Variants in GRHL2 observed in about 807,000 individuals in gnomAD.
The protein encoded by GRHL2 is grainyhead like transcription factor 2, also known as grainyhead-like protein 2 homolog.
A neutral mutation model predicts 83.8 loss-of-function variants in GRHL2; 21 were observed. The observed-to-expected ratio is 0.25, with a 90% CI of 0.18 to 0.36. GRHL2 has a LOEUF of 0.36. GRHL2 is among the 10% of genes least tolerant of loss of function. GRHL2 has a pLI of 1.00. For missense variants in GRHL2, 623 were observed against 781.8 expected, an observed-to-expected ratio of 0.80 and a Z score of 2.42; for synonymous variants, 280 against 278.9, an observed-to-expected ratio of 1.00 and a Z score of -0.04.
At chr8:101,677,535 A>G in the GRHL2 span, among the ~76,000 whole-genome samples, 2 of 152,056 alleles carry the variant, frequency 1.3e-5, no homozygotes, top group Non-Finnish European at 2.9e-5. Context: ...TGGAAAAAAA[A>G]AATACATCTT....
chr8:101,547,525 A>G (rs564474260), intron 2 of GRHL2, among the ~76,000 whole-genome samples: 7 of 152,296 alleles, frequency 4.6e-5, no homozygotes, highest in African/African-American at 1.4e-4. Context: ...CCTTTGCATA[A>G]TACTTCATAA....
intron 7 of GRHL2, among the ~76,000 whole-genome samples, chr8:101,578,977 G>A (rs561662875): frequency 2.6e-5 from 4 of 152,184 alleles, no homozygotes; most frequent in Admixed American, 2.0e-4. Flanking sequence ...CATATTTATC[G>A]AATAAACAAG....
At chr8:101,642,133 A>G (rs1813414689) in intron 12 of GRHL2, among the ~76,000 whole-genome samples, 1 of 151,788 alleles carries the variant, frequency 6.6e-6, no homozygotes, top group Non-Finnish European at 1.5e-5. Flanking sequence ...CATCTGTCAA[A>G]TGGGGCAGTC....
chr8:101,566,117 T>C lies in GRHL2; in HGVS notation c.679-4222T>C, dbSNP rs149417648. ...CATTGGAACATGGCCTCACTTTGGATTAATGCACACAGTTTTATTATGTTT... is the reference window on the plus strand; with the variant it reads ...CATTGGAACATGGCCTCACTTTGGACTAATGCACACAGTTTTATTATGTTT... On this transcript the variant is annotated intron_variant, in intron 4 of 15. Coordinates refer to ENST00000646743, the MANE Select transcript of GRHL2 (RefSeq NM_024915.4). Among the ~76,000 whole-genome samples, 384 of 152,316 alleles carry C rather than the reference T, an allele frequency of 2.5e-3. 5 individuals are homozygous for C. Among genetic ancestry groups the C allele is most frequent in the African/African-American group, 8.5e-3 (355 of 41,572 alleles).
rs545258407 is a variant in GRHL2, at chr8:101,624,190, G to A, written c.1257+4493G>A. 4.1e-3 allele frequency among the ~76,000 whole-genome samples: 601 copies of A among 145,170 alleles called. 4 individuals are homozygous for A. Among genetic ancestry groups the A allele is most frequent in the African/African-American group, 0.015 (559 of 37,106 alleles). On this transcript the variant is annotated intron_variant, in intron 9 of 15. Transcript: ENST00000646743. ...GACAGTTCACAGTACACAGTACACA[G>A]TAGGACAGTACACAGTAGAACAGTT... is the stretch of plus-strand genomic sequence containing the variant.
rs767022758 is a variant in GRHL2 at position 101,599,082 on chromosome 8, G to A, written c.1029G>A (p.Thr343=). The change falls in exon 8 of 16, where the codon ACG becomes ACA. Residue 343 remains threonine (T), a synonymous_variant. Transcript: ENST00000646743. ...DIADYKESFN[T]IGNIEEIAYN... ...CCGATTACAAGGAGAGCTTTAATAC[G>A]ATTGGAAACATTGAAGAGATTGCAT... 1.5e-5 allele frequency: 24 copies of A among 1,613,232 alleles called. No homozygotes were observed. The highest frequency in any genetic ancestry group is 9.9e-5 in the South Asian group (9 of 91,050).
chr8:101,537,700 G>A (rs1811070905), intron 1 of GRHL2, among the ~76,000 whole-genome samples: 1 of 152,132 alleles, frequency 6.6e-6, no homozygotes, highest in Non-Finnish European at 1.5e-5. Context: ...TCAAGGAGAT[G>A]AGCAACTCAT....
intron 4 of GRHL2, among the ~76,000 whole-genome samples, chr8:101,564,822 A>AAT (rs1434294662): frequency 3.3e-5 from 5 of 151,470 alleles, no homozygotes; most frequent in African/African-American, 9.7e-5. Flanking sequence ...CAAAAAAAAA[A>AAT]AAAAAAAACC....
At chr8:101,661,569 A>C (rs1006773122) in intron 14 of GRHL2, among the ~76,000 whole-genome samples, 1 of 152,134 alleles carries the variant, frequency 6.6e-6, no homozygotes, top group African/African-American at 2.4e-5. Context: ...TAATTGTTAT[A>C]CTGTATTGTT....
At chr8:101,516,791 T>C (rs1337784620) in intron 1 of GRHL2, among the ~76,000 whole-genome samples, 1 of 152,220 alleles carries the variant, frequency 6.6e-6, no homozygotes, top group Non-Finnish European at 1.5e-5. Context: ...ATCTATTCAC[T>C]TCCAACCATG....
intron 1 of GRHL2, among the ~76,000 whole-genome samples, chr8:101,495,639 A>G (rs1810084707): frequency 6.6e-6 from 1 of 152,188 alleles, no homozygotes; most frequent in Non-Finnish European, 1.5e-5. Context: ...TGATACTCAC[A>G]GGTGTTTTTC....
chr8:101,518,701 A>G (rs185045776), intron 1 of GRHL2, among the ~76,000 whole-genome samples: 1 of 152,310 alleles, frequency 6.6e-6, no homozygotes, highest in East Asian at 1.9e-4. Flanking sequence ...TAGCTCTGCA[A>G]GTATGAGATC....
intron 4 of GRHL2, chr8:101,562,159 T>C: frequency 1.6e-6 from 1 of 629,760 alleles, no homozygotes; most frequent in Admixed American, 2.0e-5. Context: ...TTCTTCGATC[T>C]GTTCATTATA....
chr8:101,601,227 A>G (rs1812508758), intron 8 of GRHL2, among the ~76,000 whole-genome samples: 1 of 151,998 alleles, frequency 6.6e-6, no homozygotes, highest in Non-Finnish European at 1.5e-5. Flanking sequence ...AACAACAACA[A>G]CAAAACAAAT....
At chr8:101,624,021 G>A (rs573447873) in intron 9 of GRHL2, among the ~76,000 whole-genome samples, 3 of 147,914 alleles carry the variant, frequency 2.0e-5, no homozygotes, top group South Asian at 2.1e-4. Flanking sequence ...ACAGTACACA[G>A]TAGGACAGTT....
intron 7 of GRHL2, among the ~76,000 whole-genome samples, chr8:101,597,843 A>C (rs927343657): frequency 6.6e-6 from 1 of 152,128 alleles, no homozygotes; most frequent in Admixed American, 6.6e-5. Flanking sequence ...AAAAAAAAAA[A>C]GAAAAAAAGA....
downstream of GRHL2, among the ~76,000 whole-genome samples, chr8:101,670,435 C>T (rs1039942703): frequency 2.6e-5 from 4 of 152,344 alleles, no homozygotes; most frequent in East Asian, 7.7e-4. Flanking sequence ...CTCCCTTGAC[C>T]AACTTCAACC....
chr8:101,605,027 C>A (rs1812602171), intron 8 of GRHL2, among the ~76,000 whole-genome samples: 2 of 152,166 alleles, frequency 1.3e-5, no homozygotes, highest in African/African-American at 4.8e-5. Flanking sequence ...GTTTGTCTAG[C>A]CTTCTGCTTT....
intron 7 of GRHL2, among the ~76,000 whole-genome samples, chr8:101,593,468 G>A (rs1345160358): frequency 6.6e-6 from 1 of 151,928 alleles, no homozygotes; most frequent in Non-Finnish European, 1.5e-5. Context: ...TCACAAAGAT[G>A]TATTTTATAA....
Sources: gnomAD v4.1 joint callset for allele counts (sites outside exome capture counted in the v4.1 genomes callset) on GRCh38, gnomAD v4.1.1 for gene constraint, MANE v1.5 for transcripts, NCBI Gene and HGNC (gene_info 2026-07-23, HGNC 2026-07-21) for gene names.